Variants in DVL1 observed in about 807,000 individuals in gnomAD.
DVL1 encodes segment polarity protein dishevelled homolog DVL-1.
In DVL1, 49 loss-of-function variants were observed where a neutral mutation model predicts 65.0. That is an observed-to-expected ratio of 0.75 (90% confidence interval 0.60 to 0.96). The LOEUF is 0.96. Among genes scored for constraint, DVL1 ranks in the 40% least tolerant of loss-of-function variants. The probability of loss-of-function intolerance (pLI) is 0.00; values close to 1 mark genes in which losing one functional copy is unlikely to be tolerated. For missense variants in DVL1, 1,197 were observed against 1,045.4 expected (o/e 1.15, Z -2.00); for synonymous variants, 608 against 433.9 (o/e 1.40, Z -4.99).
Position 1,342,374 on chromosome 1 carries a change from G to C in DVL1, c.351C>G (p.Pro117=). 6.3e-7 allele frequency: 1 copy of C among 1,579,794 alleles called. No individual in the cohort carries two copies. Among genetic ancestry groups the C allele is most frequent in the Non-Finnish European group, 8.6e-7 (1 of 1,164,908 alleles). ...CACGGTGTCCTTACTGGAAGGAGGG[G>C]GGCCGGGAGTCCCCGATGCCGCCTG... ...ERTGGIGDSR[P]PSFHPNVASS... The change falls in exon 3 of 15, where the codon CCC becomes CCG. Residue 117 remains proline (P), a synonymous_variant. Coordinates refer to ENST00000378888, the MANE Select transcript of DVL1 (RefSeq NM_001330311.2).
rs1643831929 is a variant in DVL1, at chr1:1,341,604, A to T, written c.605+63T>A. 4.5e-6 allele frequency: 6 copies of T among 1,346,906 alleles called. No individual in the cohort carries two copies. In the East Asian group the frequency reaches 1.5e-4, roughly 33 times the overall value. The allele number at this position is 1,346,906 out of a possible 1,614,324, so 83.4% of individuals were successfully genotyped here. Reference sequence around the variant, plus strand: ...AAACACCTCATGCAGACACATGCACATCATGTACAGACATTTGCAAGTGGG... The same window carrying T: ...AAACACCTCATGCAGACACATGCACTTCATGTACAGACATTTGCAAGTGGG... On this transcript the variant is annotated intron_variant, in intron 5 of 14. Coordinates refer to ENST00000378888, the MANE Select transcript of DVL1 (RefSeq NM_001330311.2).
intron 13 of DVL1, 40 bp downstream of exon 13, chr1:1,338,229 T>TGCCCC: frequency 3.9e-6 from 6 of 1,522,354 alleles, no homozygotes; most frequent in Non-Finnish European, 5.4e-6. Context: ...CCTCCGGCGT[T>TGCCCC]CCCCTCCCCC....
chr1:1,341,952 C>T (rs1643847022), intron 4 of DVL1, 101 bp downstream of exon 4: 33 of 1,450,010 alleles, frequency 2.3e-5, no homozygotes, highest in Admixed American at 8.5e-5. Flanking sequence ...ACCCAAGCAC[C>T]GCCACTGGCT....
chr1:1,337,377 C>T (rs1043479338), intron 14 of DVL1, among the ~76,000 whole-genome samples: 1 of 152,188 alleles, frequency 6.6e-6, no homozygotes, highest in Admixed American at 6.5e-5. Flanking sequence ...CTCAGGAACA[C>T]TCTGGATCCC....
rs752206428 is a variant in DVL1 at position 1,340,427 on chromosome 1, G to C, written c.682C>G (p.Leu228Val). 1 of 1,612,654 alleles carries C rather than the reference G, an allele frequency of 6.2e-7. No homozygotes were observed. Among genetic ancestry groups the C allele is most frequent in the East Asian group, 2.2e-5 (1 of 44,846 alleles). The change falls in exon 6 of 15, where the codon CTT becomes GTT. Residue 228 changes from leucine (L) to valine (V), a missense_variant. By Grantham distance (32) the Leu-to-Val change is conservative. Transcript: ENST00000378888. ...KHKRRRRKQRLRQADRASSFS... is the reference protein window; with the variant it reads ...KHKRRRRKQRVRQADRASSFS... ...CTGCCTACCCGGTCCGCCTGCCGAAGGCGCTGCTTCCTCCGCCGGCGTTTG... is the reference window on the plus strand; with the variant it reads ...CTGCCTACCCGGTCCGCCTGCCGAACGCGCTGCTTCCTCCGCCGGCGTTTG...
At chr1:1,345,350 A>G (rs1388724036) in intron 1 of DVL1, among the ~76,000 whole-genome samples, 4 of 152,126 alleles carry the variant, frequency 2.6e-5, no homozygotes, top group Non-Finnish European at 5.9e-5. Flanking sequence ...GGACCCAAAC[A>G]GCACAGAGGG....
At chr1:1,346,362 G>A (rs1383933849) in intron 1 of DVL1, among the ~76,000 whole-genome samples, 12 of 152,140 alleles carry the variant, frequency 7.9e-5, no homozygotes. Flanking sequence ...AGACAGCCTC[G>A]GTGCCAAGTC....
Position 1,348,916 on chromosome 1 carries a change from C to T in DVL1, c.150G>A (p.Lys50=), listed in dbSNP as rs1383723067. 9 of 1,568,312 alleles carry T rather than the reference C, an allele frequency of 5.7e-6. No individual in the cohort carries two copies. The African/African-American group carries it at 9.8e-5, about 17-fold the overall frequency. The change falls in exon 1 of 15, where the codon AAG becomes AAA. Residue 50 remains lysine, a synonymous_variant. Coordinates refer to ENST00000378888, the MANE Select transcript of DVL1 (RefSeq NM_001330311.2). ...RPVHAYKFFF[K]SMDQDFGVVK... ...CTGACCCGAAGTCCTGGTCCATGGA[C>T]TTAAAGAAGAATTTGTAGGCGTGCA...
Position 1,339,377 on chromosome 1 carries a change from C to T in DVL1, c.1117G>A (p.Ala373Thr), listed in dbSNP as rs915704394. The change falls in exon 11 of 15, where the codon GCC becomes ACC. Residue 373 changes from alanine (A) to threonine (T), a missense_variant. Ala to Thr is a moderately conservative substitution (Grantham distance 58). Coordinates refer to ENST00000378888, the MANE Select transcript of DVL1 (RefSeq NM_001330311.2). ...WLSHTAALTG[A>T]LPRYGTSPCS... ...GGACTCGTACCGTAGCGGGGCAGGGCTCCTGTCAGTGCCGCCGTGTGGGAC... is the reference window on the plus strand; with the variant it reads ...GGACTCGTACCGTAGCGGGGCAGGGTTCCTGTCAGTGCCGCCGTGTGGGAC... 8.4e-6 allele frequency: 13 copies of T among 1,548,838 alleles called. No individual in the cohort carries two copies. In the Admixed American group the frequency reaches 1.4e-4, roughly 16 times the overall value.
At position 1,335,980 on chromosome 1, in the gene DVL1, G is replaced by A; in HGVS notation, c.*162C>T. On this transcript the variant is annotated 3_prime_UTR_variant, in exon 15 of 15. Transcript: ENST00000378888. ...GGCTGCTCAGACACAGGTGCTGTCA[G>A]GAGCTGGAGCAGCCAGGCTGCCAGG... 1 of 938,730 alleles carries A rather than the reference G, an allele frequency of 1.1e-6. No homozygotes were observed. The highest frequency in any genetic ancestry group is 1.6e-6 in the Non-Finnish European group (1 of 640,432). 58.2% of individuals were successfully genotyped at this position (938,730 alleles called of 1,614,324 possible).
rs768553010 is a variant in DVL1, at chr1:1,340,327, GA to G, written c.700-12del. ...GCTGAAGGAGGAGGCCTATGGAGGA[GA>G]GGGGGCGTGTGTAAAAGGCACGGGG... On this transcript the variant is annotated splice_polypyrimidine_tract_variant and intron_variant, in intron 6 of 14. Coordinates refer to ENST00000378888, the MANE Select transcript of DVL1 (RefSeq NM_001330311.2). 7 of 1,613,944 alleles carry G rather than the reference GA, an allele frequency of 4.3e-6. No homozygotes were observed. The highest frequency in any genetic ancestry group is 2.2e-5 in the South Asian group (2 of 91,086).
chr1:1,346,508 A>G (rs1643916104), intron 1 of DVL1, among the ~76,000 whole-genome samples: 1 of 152,134 alleles, frequency 6.6e-6, no homozygotes, highest in African/African-American at 2.4e-5. Flanking sequence ...GACCCTCCCC[A>G]ATTCTGCCCT....
intron 1 of DVL1, among the ~76,000 whole-genome samples, chr1:1,348,522 G>A (rs1264773398): frequency 6.6e-6 from 1 of 152,160 alleles, no homozygotes; most frequent in Admixed American, 6.5e-5. Flanking sequence ...ATCCCAGCTA[G>A]GGAACCCCAC....
At position 1,339,370 on chromosome 1, in the gene DVL1, G is replaced by C. The variant is rs1475543999; in HGVS notation, c.1124C>G (p.Pro375Arg). The C allele has an allele frequency of 1.3e-6, 2 of 1,548,810 alleles. No individual in the cohort carries two copies. Among genetic ancestry groups the C allele is most frequent in the South Asian group, 2.4e-5 (2 of 84,004 alleles). ...SHTAALTGAL[P>R]RYGTSPCSSA... ...GGAGCAGGGACTCGTACCGTAGCGG[G>C]GCAGGGCTCCTGTCAGTGCCGCCGT... The change falls in exon 11 of 15, where the codon CCC (proline) becomes CGC (arginine). Residue 375 changes from proline to arginine, a missense_variant. Transcript: ENST00000378888.
In DVL1 at chr1:1,339,401, A is replaced by C. The variant is rs1325731422; in HGVS notation, c.1093T>G (p.Ser365Ala). 5.8e-6 allele frequency: 9 copies of C among 1,548,914 alleles called. No homozygotes were observed. The highest frequency in any genetic ancestry group is 7.8e-6 in the Non-Finnish European group (9 of 1,146,652). The part of the protein sequence containing the change: ...VRPIDPAAWL[S>A]HTAALTGALP... ...GCTCCTGTCAGTGCCGCCGTGTGGG[A>C]CAGCCAGGCGGCGGGGTCGATGGGC... is the stretch of plus-strand genomic sequence containing the variant. Residue 365 changes from serine to alanine, a missense_variant, in exon 11 of 15, where the codon TCC becomes GCC. Physicochemically the swap from Ser to Ala is moderately conservative, Grantham distance 99 (BLOSUM62 1). Coordinates refer to ENST00000378888, the MANE Select transcript of DVL1 (RefSeq NM_001330311.2).
Position 1,336,358 on chromosome 1 carries a change from G to C in DVL1, c.1872C>G (p.Leu624=). 1 of 1,595,970 alleles carries C rather than the reference G, an allele frequency of 6.3e-7. No homozygotes were observed. Residue 624 remains leucine (L), a synonymous_variant, in exon 15 of 15, where the codon CTC becomes CTG. Transcript: ENST00000378888. ...SSWRERPAGQ[L]SRGSSPRSQA... is the part of the protein sequence containing the mutation. ...GACTGCGTGGGCTGCTGCCACGGCT[G>C]AGCTGGCCGGCCGGACGCTCTCGCC...
In DVL1 at chr1:1,336,316, G is replaced by C. The variant is rs531643983; in HGVS notation, c.1914C>G (p.Ala638=). 2.0e-5 allele frequency: 31 copies of C among 1,572,092 alleles called. No individual in the cohort carries two copies. In the South Asian group the frequency reaches 3.3e-4, roughly 17 times the overall value. Residue 638 remains alanine (A), a synonymous_variant, in exon 15 of 15, where the codon GCC becomes GCG. Transcript: ENST00000378888. ...SSPRSQASAT[A]PGLPPPHPTT... ...TGGGGTGGGGCGGGGGGAGCCCCGG[G>C]GCGGTAGCCGAGGCCTGACTGCGTG...
At position 1,346,951 on chromosome 1, in the gene DVL1, G is replaced by A. The variant is rs553970006; in HGVS notation, c.170+1945C>T. 9.9e-5 allele frequency among the ~76,000 whole-genome samples: 15 copies of A among 152,264 alleles called. No homozygotes were observed. In the East Asian group the frequency reaches 1.3e-3, roughly 14 times the overall value. On this transcript the variant is annotated intron_variant, in intron 1 of 14. Transcript: ENST00000378888. The stretch of plus-strand genomic sequence containing the variant: ...TTACTGACCAACCAGCCCCTCCCAC[G>A]GGGGTTCTATTCCACAGAACAGACA...
At position 1,338,249 on chromosome 1, in the gene DVL1, A is replaced by G. The variant is rs1470651415; in HGVS notation, c.1507+20T>C. ...GGCGTTCCCCTCCCCCCCGCCCTGA[A>G]GCCCGAAGCCCCCACTCACTGCTGC... On this transcript the variant is annotated intron_variant, in intron 13 of 14. Coordinates refer to ENST00000378888, the MANE Select transcript of DVL1 (RefSeq NM_001330311.2). 2.5e-6 allele frequency: 2 copies of G among 806,570 alleles called. No homozygotes were observed. Among genetic ancestry groups the G allele is most frequent in the East Asian group, 8.3e-5 (2 of 24,044 alleles). 50.0% of individuals were successfully genotyped at this position (806,570 alleles called of 1,614,324 possible).
Sources: allele counts gnomAD v4.1 joint callset (sites outside exome capture counted in the v4.1 genomes callset), GRCh38; gene constraint gnomAD v4.1.1; transcripts MANE v1.5; gene names NCBI Gene and HGNC (gene_info 2026-07-23, HGNC 2026-07-21).